GRID1: variants seen among roughly 807,000 people sequenced by gnomAD.
GRID1 encodes glutamate ionotropic receptor delta type subunit 1.
GRID1 carries 28 observed loss-of-function variants against 98.0 expected under a neutral mutation model. That is an observed-to-expected ratio of 0.29 (90% CI 0.21 to 0.39). The LOEUF (loss-of-function observed/expected upper bound fraction) is 0.39, where lower values mean the gene tolerates loss of function less well. GRID1 is among the 10% of genes least tolerant of loss of function. The pLI, the probability that GRID1 is intolerant of heterozygous loss-of-function variation, is 1.00. For missense variants in GRID1, 1,111 were observed against 1,340.5 expected, an observed-to-expected ratio of 0.83 and a Z score of 2.67; for synonymous variants, 553 against 538.5, an observed-to-expected ratio of 1.03 and a Z score of -0.37.
At position 86,220,117 on chromosome 10, in the gene GRID1, T is replaced by C. The variant is rs559455336; in HGVS notation, c.236-13469A>G. On this transcript the variant is annotated intron_variant, in intron 2 of 15. Coordinates refer to ENST00000327946, the MANE Select transcript of GRID1 (RefSeq NM_017551.3). ...AGATCTTGAATAAGTTCTAAAATGC[T>C]AATTCCTCCTCCTCGGGAAGTGTTC... Among the ~76,000 whole-genome samples the C allele has an allele frequency of 7.2e-5, 11 of 152,386 alleles. No homozygotes were observed. The East Asian group carries it at 1.5e-3, about 21-fold the overall frequency.
intron 8 of GRID1, among the ~76,000 whole-genome samples, chr10:85,799,395 A>T (rs375489673): frequency 4.6e-5 from 7 of 152,124 alleles, no homozygotes; most frequent in African/African-American, 2.4e-5. Flanking sequence ...TGTTGAAGGA[A>T]TATCTGCACT....
At chr10:85,658,853 A>C (rs1370257906) in intron 12 of GRID1, among the ~76,000 whole-genome samples, 1 of 152,248 alleles carries the variant, frequency 6.6e-6, no homozygotes, top group Non-Finnish European at 1.5e-5. Flanking sequence ...TGTGAGAAAG[A>C]GAAATCTTCT....
chr10:86,128,422 T>C (rs2131964624), intron 4 of GRID1, among the ~76,000 whole-genome samples: 1 of 152,224 alleles, frequency 6.6e-6, no homozygotes, highest in Non-Finnish European at 1.5e-5. Context: ...TTCACACTTG[T>C]CTCCTACAGC....
intron 4 of GRID1, among the ~76,000 whole-genome samples, chr10:86,010,975 T>C (rs917871765): frequency 1.3e-5 from 2 of 152,136 alleles, no homozygotes; most frequent in Non-Finnish European, 1.5e-5. Flanking sequence ...TATAGAAACC[T>C]TTAAAGGAGT....
At chr10:85,893,379 C>A (rs1841233718) in intron 5 of GRID1, among the ~76,000 whole-genome samples, 3 of 152,066 alleles carry the variant, frequency 2.0e-5, no homozygotes, top group African/African-American at 7.2e-5. Context: ...AGGTTCTAGT[C>A]AGGGCACCAG....
chr10:85,882,586 C>CA lies in GRID1; in HGVS notation c.781-13407dup, dbSNP rs1841048874. Among the ~76,000 whole-genome samples the CA allele has an allele frequency of 2.0e-5, 3 of 152,118 alleles. No individual in the cohort carries two copies. The South Asian group carries it at 6.2e-4, about 32-fold the overall frequency. Reference sequence around the variant, plus strand: ...GAATTGAACAATGAGAACACATGGACACAGGAAGGGGAACATCACACTCCC... The same window carrying CA: ...GAATTGAACAATGAGAACACATGGACAACAGGAAGGGGAACATCACACTCCC... On this transcript the variant is annotated intron_variant, in intron 5 of 15. Coordinates refer to ENST00000327946, the MANE Select transcript of GRID1 (RefSeq NM_017551.3).
intron 3 of GRID1, among the ~76,000 whole-genome samples, chr10:86,156,799 G>C (rs112227996): frequency 1.3e-5 from 2 of 152,220 alleles, no homozygotes; most frequent in Admixed American, 1.3e-4. Flanking sequence ...AGCATGATGG[G>C]TCTGTACCCT....
chr10:86,026,708 C>A (rs1843121214), intron 4 of GRID1, among the ~76,000 whole-genome samples: 2 of 152,362 alleles, frequency 1.3e-5, no homozygotes, highest in African/African-American at 4.8e-5. Context: ...TGGTGAGAAG[C>A]AACCCAGACC....
At chr10:86,062,796 C>T (rs962057699) in intron 4 of GRID1, among the ~76,000 whole-genome samples, 8 of 152,246 alleles carry the variant, frequency 5.3e-5, no homozygotes, top group African/African-American at 1.9e-4. Flanking sequence ...GCCCAGCACC[C>T]GTCTGGCACA....
At chr10:86,074,603 T>C (rs1394741302) in intron 4 of GRID1, among the ~76,000 whole-genome samples, 3 of 152,238 alleles carry the variant, frequency 2.0e-5, no homozygotes, top group Non-Finnish European at 4.4e-5. Flanking sequence ...CAGCCACTGA[T>C]GGACACTTAG....
intron 4 of GRID1, among the ~76,000 whole-genome samples, chr10:86,074,529 T>A (rs1328993237): frequency 6.6e-6 from 1 of 152,228 alleles, no homozygotes; most frequent in East Asian, 1.9e-4. Context: ...GCAAATGACA[T>A]AATTTCATTC....
chr10:86,277,060 G>A (rs1847282423), intron 2 of GRID1, among the ~76,000 whole-genome samples: 1 of 152,154 alleles, frequency 6.6e-6, no homozygotes, highest in African/African-American at 2.4e-5. Context: ...AGAGCCGGGG[G>A]GAGAGGAAAA....
chr10:85,647,731 CAT>C (rs1326969277), intron 12 of GRID1: 1 of 228,166 alleles, frequency 4.4e-6, no homozygotes, highest in Non-Finnish European at 8.8e-6. Context: ...TAGAAGCAAA[CAT>C]ATAGACAGAG....
chr10:86,173,660 G>A (rs929119249), intron 3 of GRID1, among the ~76,000 whole-genome samples: 1 of 151,290 alleles, frequency 6.6e-6, no homozygotes, highest in African/African-American at 2.4e-5. Context: ...GTGCCATGCT[G>A]GTGTGCTGCA....
At chr10:86,235,225 G>A (rs750460602) in intron 2 of GRID1, among the ~76,000 whole-genome samples, 6 of 152,094 alleles carry the variant, frequency 3.9e-5, no homozygotes, top group East Asian at 1.9e-4. Context: ...CCTCCCCTGC[G>A]GCTCCCACAT....
At chr10:85,723,263 A>G (rs1841724558) in intron 11 of GRID1, 122 bp from the exon 12 acceptor site, 1 of 952,066 alleles carries the variant, frequency 1.1e-6, no homozygotes, top group African/African-American at 1.7e-5. Context: ...GGAACCAGGG[A>G]GGTGACTGTC....
At chr10:86,315,625 TC>T (rs1438019664) in intron 2 of GRID1, among the ~76,000 whole-genome samples, 1 of 152,036 alleles carries the variant, frequency 6.6e-6, no homozygotes, top group Middle Eastern at 3.2e-3. Flanking sequence ...CATTAACCCA[TC>T]CACCTGTGAC....
intron 3 of GRID1, among the ~76,000 whole-genome samples, chr10:86,171,440 A>C (rs1196288180): frequency 6.6e-6 from 1 of 152,240 alleles, no homozygotes; most frequent in African/African-American, 2.4e-5. Flanking sequence ...TATTGAAGAA[A>C]GAGAGATAAA....
At chr10:85,728,097 A>T in intron 9 of GRID1, 45 bp from the exon 10 acceptor site, 11 of 1,231,224 alleles carry the variant, frequency 8.9e-6, no homozygotes, top group Non-Finnish European at 1.3e-5. Flanking sequence ...TAACAGGTTC[A>T]TCAACACATA....
Sources: gnomAD v4.1 joint callset for allele counts (sites outside exome capture counted in the v4.1 genomes callset) on GRCh38, gnomAD v4.1.1 for gene constraint, MANE v1.5 for transcripts, NCBI Gene and HGNC (gene_info 2026-07-23, HGNC 2026-07-21) for gene names.